CCNJL: variants seen among roughly 807,000 people sequenced by gnomAD.
The protein encoded by CCNJL is cyclin-J-like protein.
In CCNJL, 33 loss-of-function variants were observed where a neutral mutation model predicts 33.4. The observed-to-expected ratio is 0.99, with a 90% CI of 0.75 to 1.32. The LOEUF is 1.32. Among genes scored for constraint, CCNJL ranks in the 40% most tolerant of loss-of-function variants. The probability of loss-of-function intolerance (pLI) is 0.00; values close to 1 mark genes in which losing one functional copy is unlikely to be tolerated. For missense variants in CCNJL, 512 were observed against 499.7 expected, an observed-to-expected ratio of 1.02 and a Z score of -0.23; for synonymous variants, 227 against 220.9, an observed-to-expected ratio of 1.03 and a Z score of -0.24.
At chr5:160,318,701 A>G (rs1763405819) in intron 1 of CCNJL, among the ~76,000 whole-genome samples, 1 of 152,226 alleles carries the variant, frequency 6.6e-6, no homozygotes, top group South Asian at 2.1e-4. Context: ...TTGGATGTGC[A>G]TGTATCGAGA....
At chr5:160,290,713 G>T (rs1360834576) in intron 2 of CCNJL, among the ~76,000 whole-genome samples, 1 of 152,086 alleles carries the variant, frequency 6.6e-6, no homozygotes, top group Non-Finnish European at 1.5e-5. Context: ...CACAGACTGG[G>T]CTTGTCTTGT....
chr5:160,323,483 G>T (rs1763499674), intron 1 of CCNJL, among the ~76,000 whole-genome samples: 1 of 152,162 alleles, frequency 6.6e-6, no homozygotes, highest in African/African-American at 2.4e-5. Flanking sequence ...TTTTAAATAT[G>T]ACTAAGAGCT....
chr5:160,327,117 A>AT (rs932289161), intron 1 of CCNJL: 1 of 290,168 alleles, frequency 3.4e-6, no homozygotes, highest in African/African-American at 2.3e-5. Flanking sequence ...GATTGTTTGT[A>AT]TTTAAAAAAA....
At chr5:160,276,740 T>G (rs1323660882) in intron 3 of CCNJL, among the ~76,000 whole-genome samples, 1 of 152,192 alleles carries the variant, frequency 6.6e-6, no homozygotes, top group Non-Finnish European at 1.5e-5. Flanking sequence ...CACTTGAAAA[T>G]GGTTAAAATC....
At chr5:160,255,364 G>A (rs951119760) in intron 5 of CCNJL, 185 bp downstream of exon 5, 22 of 539,614 alleles carry the variant, frequency 4.1e-5, no homozygotes, top group Non-Finnish European at 3.0e-5. Flanking sequence ...TTCAAAATAG[G>A]AAGAACTGGT....
intron 3 of CCNJL, among the ~76,000 whole-genome samples, chr5:160,264,137 G>C (rs1184823360): frequency 1.3e-5 from 2 of 152,092 alleles, no homozygotes; most frequent in Non-Finnish European, 2.9e-5. Flanking sequence ...GTAGAGCCCA[G>C]GCTGGTCGAA....
rs76777778 is a variant in CCNJL at position 160,282,137 on chromosome 5, C to G, written c.67-1399G>C. On this transcript the variant is annotated intron_variant, in intron 2 of 5. Coordinates refer to ENST00000257536, the MANE Select transcript of CCNJL (RefSeq NM_001308173.3). ...TTGGTGCCCCTCTTCTATAGAAAAC[C>G]TCTCTCTTAACCCTGGGGCTTACTT... 5.4e-4 allele frequency among the ~76,000 whole-genome samples: 83 copies of G among 152,302 alleles called. No homozygotes were observed. The East Asian group carries it at 0.015, about 27-fold the overall frequency.
intron 2 of CCNJL, among the ~76,000 whole-genome samples, chr5:160,297,481 T>C (rs983824342): frequency 6.6e-6 from 1 of 152,038 alleles, no homozygotes; most frequent in Non-Finnish European, 1.5e-5. Flanking sequence ...CCTAGTGATC[T>C]GACAAAAATT....
rs1057128022 is a variant in CCNJL, at chr5:160,250,428, T to A, written c.*2950A>T. ...TGGCGGTGTCAAACACACTCCTGGG[T>A]CTGGGCTGCAGCCTCAGGCCCTGAG... On this transcript the variant is annotated 3_prime_UTR_variant, in exon 6 of 6. Transcript: ENST00000257536. 9 of 152,258 alleles carry A rather than the reference T, an allele frequency of 5.9e-5. No homozygotes were observed. Among genetic ancestry groups the A allele is most frequent in the African/African-American group, 2.2e-4 (9 of 41,456 alleles). The allele number at this position is 152,258 out of a possible 1,614,324, so 9.4% of individuals were successfully genotyped here. A position where few individuals can be genotyped will look rare whatever the true frequency, so the allele number is the denominator to read the frequency against.
intron 2 of CCNJL, among the ~76,000 whole-genome samples, chr5:160,309,466 G>C (rs1415633082): frequency 6.6e-6 from 1 of 152,206 alleles, no homozygotes; most frequent in Non-Finnish European, 1.5e-5. Flanking sequence ...GTATTCATCA[G>C]GCAACATTCA....
intron 3 of CCNJL, among the ~76,000 whole-genome samples, chr5:160,272,835 G>C (rs1761884585): frequency 1.3e-5 from 2 of 152,088 alleles, no homozygotes; most frequent in Admixed American, 1.3e-4. Context: ...CCACCTCTGG[G>C]AATTTATCTT....
chr5:160,254,326 G>C (rs576493505), intron 5 of CCNJL: 1 of 668,698 alleles, frequency 1.5e-6, no homozygotes, highest in Non-Finnish European at 2.7e-6. Context: ...TTTTTCATCT[G>C]AAAAGGGGGC....
At chr5:160,265,210 C>T (rs1761524178) in intron 3 of CCNJL, among the ~76,000 whole-genome samples, 1 of 152,204 alleles carries the variant, frequency 6.6e-6, no homozygotes, top group Non-Finnish European at 1.5e-5. Flanking sequence ...GGGAAGATGC[C>T]TACTGATGGA....
At chr5:160,254,551 G>C in intron 5 of CCNJL, 2 of 434,104 alleles carry the variant, frequency 4.6e-6, no homozygotes, top group Non-Finnish European at 8.1e-6. Context: ...TTCCCACATC[G>C]GGGAGGGCTC....
intron 2 of CCNJL, among the ~76,000 whole-genome samples, chr5:160,286,256 G>A (rs1210243547): frequency 2.0e-5 from 3 of 152,200 alleles, no homozygotes; most frequent in African/African-American, 7.2e-5. Context: ...AGAACTCAAG[G>A]CAACACAAAG....
intron 4 of CCNJL, among the ~76,000 whole-genome samples, chr5:160,258,782 C>T (rs527532867): frequency 6.6e-6 from 1 of 152,264 alleles, no homozygotes; most frequent in African/African-American, 2.4e-5. Context: ...CTGCAATCTC[C>T]GCCACCTGAG....
At chr5:160,283,010 C>CATATATATATAT (rs1160073062) in intron 2 of CCNJL, among the ~76,000 whole-genome samples, 2 of 27,948 alleles carry the variant, frequency 7.2e-5, no homozygotes, top group Non-Finnish European at 6.0e-5. Context: ...TATATATATA[C>CATATATATATAT]ATATATATAT....
chr5:160,332,115 C>T (rs1448678447), intron 1 of CCNJL, among the ~76,000 whole-genome samples: 3 of 152,140 alleles, frequency 2.0e-5, no homozygotes, highest in African/African-American at 7.2e-5. Flanking sequence ...TTCCTCACCC[C>T]TCCTCACATT....
chr5:160,274,662 C>T (rs559273788), intron 3 of CCNJL, among the ~76,000 whole-genome samples: 9 of 152,286 alleles, frequency 5.9e-5, no homozygotes, highest in South Asian at 2.1e-4. Flanking sequence ...GGGGCCAGCA[C>T]GAAGGTCAGC....
Sources: gnomAD v4.1 joint callset for allele counts (sites outside exome capture counted in the v4.1 genomes callset) on GRCh38, gnomAD v4.1.1 for gene constraint, MANE v1.5 for transcripts, NCBI Gene and HGNC (gene_info 2026-07-23, HGNC 2026-07-21) for gene names.